DKK2: variants seen among roughly 807,000 people sequenced by gnomAD.
The protein encoded by DKK2 is dickkopf Wnt signaling pathway inhibitor 2, also known as dickkopf-related protein 2.
In DKK2, 11 loss-of-function variants were observed where a neutral mutation model predicts 28.1. The observed-to-expected ratio is 0.39, with a 90% CI of 0.25 to 0.65. DKK2 has a LOEUF of 0.65. Ranked by LOEUF, DKK2 falls within the 30% of genes least tolerant of loss-of-function variation. The probability of loss-of-function intolerance (pLI) is 0.47; values close to 1 mark genes in which losing one functional copy is unlikely to be tolerated. For missense variants in DKK2, 326 were observed against 335.5 expected (o/e 0.97, Z 0.22); for synonymous variants, 135 against 126.5 (o/e 1.07, Z -0.45).
At position 107,035,315 on chromosome 4, in the gene DKK2, A is replaced by T. The variant is rs879236785; in HGVS notation, c.222+55T>A. On this transcript the variant is annotated intron_variant, in intron 1 of 3. Coordinates refer to ENST00000285311, the MANE Select transcript of DKK2 (RefSeq NM_014421.3). ...GATGCAATGGCAAACCGCTAGCCCA[A>T]GAGAGCTGGCCCCTGCCTCTTCTGT... The T allele has an allele frequency of 1.1e-5, 18 of 1,591,568 alleles. No individual in the cohort carries two copies. In the South Asian group the frequency reaches 2.0e-4, roughly 18 times the overall value.
chr4:106,949,106 G>T (rs1478803096), intron 1 of DKK2, among the ~76,000 whole-genome samples: 2 of 152,054 alleles, frequency 1.3e-5, no homozygotes, highest in Non-Finnish European at 2.9e-5. Flanking sequence ...TTCAACATCT[G>T]CCTACCAGAT....
rs960099530 is a variant in DKK2, at chr4:107,017,250, G to A, written c.222+18120C>T. The stretch of plus-strand genomic sequence containing the variant: ...AATCAGAATATCTCTTCAATATATG[G>A]TTCATTTTAGATTAATGGCAAAGGT... On this transcript the variant is annotated intron_variant, in intron 1 of 3. Coordinates refer to ENST00000285311, the MANE Select transcript of DKK2 (RefSeq NM_014421.3). Among the ~76,000 whole-genome samples, 20 of 151,980 alleles carry A rather than the reference G, an allele frequency of 1.3e-4. 1 individual carries two copies. Among genetic ancestry groups the A allele is most frequent in the Admixed American group, 5.9e-4 (9 of 15,238 alleles).
chr4:107,018,966 G>A (rs542098339), intron 1 of DKK2, among the ~76,000 whole-genome samples: 3 of 152,096 alleles, frequency 2.0e-5, no homozygotes, highest in Admixed American at 1.3e-4. Context: ...TATTTAAAAT[G>A]TTATTTTTTG....
intron 1 of DKK2, among the ~76,000 whole-genome samples, chr4:107,014,011 GA>G (rs1195005512): frequency 6.6e-6 from 1 of 151,556 alleles, no homozygotes; most frequent in Non-Finnish European, 1.5e-5. Flanking sequence ...AGGATGTGGA[GA>G]AAGTGGAACT....
intron 1 of DKK2, among the ~76,000 whole-genome samples, chr4:106,934,183 C>G (rs1186411201): frequency 6.6e-6 from 1 of 151,788 alleles, no homozygotes; most frequent in Non-Finnish European, 1.5e-5. Flanking sequence ...CAGACAAGAT[C>G]AAGAACAGAG....
chr4:107,026,580 C>T (rs1442969580), intron 1 of DKK2, among the ~76,000 whole-genome samples: 4 of 152,070 alleles, frequency 2.6e-5, no homozygotes, highest in African/African-American at 7.2e-5. Flanking sequence ...ACAAAAAGCA[C>T]CTGTTTTGGT....
At chr4:107,028,929 T>G (rs1393641251) in intron 1 of DKK2, among the ~76,000 whole-genome samples, 1 of 152,146 alleles carries the variant, frequency 6.6e-6, no homozygotes, top group Non-Finnish European at 1.5e-5. Flanking sequence ...GAGAATAAGC[T>G]TTATGCAACA....
intron 1 of DKK2, among the ~76,000 whole-genome samples, chr4:106,934,748 T>C (rs888939179): frequency 3.9e-5 from 6 of 152,194 alleles, no homozygotes; most frequent in Non-Finnish European, 8.8e-5. Context: ...GCAGATAAAA[T>C]TTGAAAGACT....
intron 1 of DKK2, among the ~76,000 whole-genome samples, chr4:106,960,352 T>C (rs1560580487): frequency 6.6e-6 from 1 of 152,092 alleles, no homozygotes. Flanking sequence ...TTCTCACTTC[T>C]AAGTGGAAGC....
intron 1 of DKK2, among the ~76,000 whole-genome samples, chr4:107,027,334 T>G (rs991287200): frequency 5.3e-5 from 8 of 152,218 alleles, no homozygotes; most frequent in African/African-American, 1.9e-4. Context: ...TAGAAACATT[T>G]ACTGGCAGTT....
At chr4:107,006,200 GTT>G (rs1723436243) in intron 1 of DKK2, among the ~76,000 whole-genome samples, 1 of 152,178 alleles carries the variant, frequency 6.6e-6, no homozygotes, top group Non-Finnish European at 1.5e-5. Context: ...GAAGGTAATG[GTT>G]TGGGGGTTCA....
intron 1 of DKK2, among the ~76,000 whole-genome samples, chr4:107,018,100 C>A (rs964025702): frequency 2.0e-5 from 3 of 152,004 alleles, no homozygotes; most frequent in African/African-American, 7.2e-5. Context: ...TTAGAACACA[C>A]CACACACCCT....
In DKK2 at chr4:106,924,071, AC is replaced by A; in HGVS notation, c.662del (p.Gly221ValfsTer43). 2 of 1,613,762 alleles carry A rather than the reference AC, an allele frequency of 1.2e-6. No individual in the cohort carries two copies. The highest frequency in any genetic ancestry group is 1.7e-6 in the Non-Finnish European group (2 of 1,179,868). On this transcript the variant is annotated frameshift_variant, in exon 4 of 4. Coordinates refer to ENST00000285311, the MANE Select transcript of DKK2 (RefSeq NM_014421.3). LOFTEE classifies it high-confidence loss of function. ...GCTGGAAAATTTCCAGCCCATGAGA[AC>A]CCTTCTTGCGTTGTTTGGTACAGAC... ...GEVCTKQRKK[G>X]SHGLEIFQRC...
chr4:107,009,387 A>G (rs1000747821), intron 1 of DKK2, among the ~76,000 whole-genome samples: 1 of 152,018 alleles, frequency 6.6e-6, no homozygotes, highest in African/African-American at 2.4e-5. Flanking sequence ...AATCAGAACC[A>G]CTGAAACTTG....
intron 1 of DKK2, among the ~76,000 whole-genome samples, chr4:106,932,628 A>G (rs1428072176): frequency 6.6e-6 from 1 of 152,172 alleles, no homozygotes; most frequent in Non-Finnish European, 1.5e-5. Flanking sequence ...AGGACAGAAC[A>G]CTTCCACTCC....
intron 1 of DKK2, among the ~76,000 whole-genome samples, chr4:107,026,047 A>C (rs1036797268): frequency 6.6e-6 from 1 of 152,214 alleles, no homozygotes; most frequent in African/African-American, 2.4e-5. Context: ...AGATCATGAA[A>C]CACCTCTTAA....
intron 1 of DKK2, among the ~76,000 whole-genome samples, chr4:106,985,678 G>A (rs867277677): frequency 2.6e-5 from 4 of 151,586 alleles, no homozygotes; most frequent in Non-Finnish European, 4.4e-5. Context: ...GCATGGTGGC[G>A]GGCGCCTGTA....
intron 1 of DKK2, among the ~76,000 whole-genome samples, chr4:106,927,959 T>C (rs1253775664): frequency 6.6e-6 from 1 of 152,194 alleles, no homozygotes; most frequent in African/African-American, 2.4e-5. Flanking sequence ...ATTCTGAGTA[T>C]AGGATAATCC....
At chr4:106,982,436 ACT>A (rs1723040100) in intron 1 of DKK2, among the ~76,000 whole-genome samples, 1 of 151,962 alleles carries the variant, frequency 6.6e-6, no homozygotes, top group African/African-American at 2.4e-5. Context: ...ACAGAAAGAA[ACT>A]CTGGTGAATC....
Sources: gnomAD v4.1 joint callset for allele counts (sites outside exome capture counted in the v4.1 genomes callset) on GRCh38, gnomAD v4.1.1 for gene constraint, MANE v1.5 for transcripts, NCBI Gene and HGNC (gene_info 2026-07-23, HGNC 2026-07-21) for gene names.